The following GPBP1 variants were observed in gnomAD, a reference collection of about 807,000 sequenced individuals.
GPBP1 encodes vasculin.
GPBP1 carries 13 observed loss-of-function variants against 56.5 expected under a neutral mutation model. The observed-to-expected ratio is 0.23, with a 90% CI of 0.15 to 0.37. The LOEUF is 0.37. GPBP1 is among the 10% of genes least tolerant of loss of function. GPBP1 has a pLI of 1.00. For synonymous variants in GPBP1, 204 were observed against 188.9 expected (o/e 1.08, Z -0.66); for missense variants, 477 against 572.3 (o/e 0.83, Z 1.70).
At chr5:57,260,381 CTT>C in intron 10 of GPBP1, among the ~76,000 whole-genome samples, 1 of 152,174 alleles carries the variant, frequency 6.6e-6, no homozygotes. Flanking sequence ...TCCCCATAAA[CTT>C]TTCGTAAAGC....
intron 2 of GPBP1, among the ~76,000 whole-genome samples, chr5:57,178,649 T>C (rs1267412851): frequency 1.3e-5 from 2 of 152,256 alleles, no homozygotes; most frequent in Non-Finnish European, 2.9e-5. Context: ...AACTTTAATC[T>C]GTGAATAGTC....
intron 10 of GPBP1, among the ~76,000 whole-genome samples, chr5:57,255,672 ATATCT>A (rs1437272136): frequency 6.6e-6 from 1 of 152,244 alleles, no homozygotes; most frequent in Non-Finnish European, 1.5e-5. Flanking sequence ...TTGTCACCTA[ATATCT>A]TGTCTTCTGA....
intron 2 of GPBP1, among the ~76,000 whole-genome samples, chr5:57,199,522 T>G (rs1754906183): frequency 6.6e-6 from 1 of 151,830 alleles, no homozygotes; most frequent in East Asian, 1.9e-4. Context: ...GCTACCAGAT[T>G]TCTTTTCTTT....
At chr5:57,214,494 A>G (rs1755623327) in intron 3 of GPBP1, among the ~76,000 whole-genome samples, 1 of 151,992 alleles carries the variant, frequency 6.6e-6, no homozygotes, top group Non-Finnish European at 1.5e-5. Context: ...CTGAGGTGGG[A>G]GAATCACTTG....
chr5:57,178,425 T>C (rs752800167), intron 2 of GPBP1, among the ~76,000 whole-genome samples: 1 of 152,090 alleles, frequency 6.6e-6, no homozygotes, highest in Non-Finnish European at 1.5e-5. Flanking sequence ...TTTGTATTTT[T>C]AGTAGGGACA....
intron 3 of GPBP1, chr5:57,230,585 A>G: frequency 7.2e-6 from 3 of 417,990 alleles, no homozygotes; most frequent in Non-Finnish European, 1.3e-5. Flanking sequence ...TTTTCCATAC[A>G]GTGGCATTTT....
chr5:57,250,655 G>A lies in GPBP1; in HGVS notation c.973-299G>A, dbSNP rs1206787121. On this transcript the variant is annotated intron_variant, in intron 9 of 11. Transcript: ENST00000506184. Reference sequence around the variant, plus strand: ...CCTCCTAGGTTCAAGCAATTCTCCTGCCACAGCCTCCCAAGCAGCTAGGAC... The same window carrying A: ...CCTCCTAGGTTCAAGCAATTCTCCTACCACAGCCTCCCAAGCAGCTAGGAC... Among the ~76,000 whole-genome samples, 5 of 150,526 alleles carry A rather than the reference G, an allele frequency of 3.3e-5. No individual in the cohort carries two copies. In the Admixed American group the frequency reaches 3.3e-4, roughly 10 times the overall value.
intron 2 of GPBP1, among the ~76,000 whole-genome samples, chr5:57,185,617 T>C (rs886093551): frequency 6.6e-6 from 1 of 152,022 alleles, no homozygotes; most frequent in Non-Finnish European, 1.5e-5. Context: ...GAATTAGCAT[T>C]ATGTCTTTAA....
At chr5:57,249,299 A>G (rs1741249655) in intron 8 of GPBP1, 110 bp from the exon 9 acceptor site, 8 of 810,000 alleles carry the variant, frequency 9.9e-6, no homozygotes, top group Non-Finnish European at 1.6e-5. Flanking sequence ...ATTATAATCA[A>G]TTTTATTTTG....
intron 3 of GPBP1, among the ~76,000 whole-genome samples, chr5:57,225,144 A>T (rs1052726572): frequency 2.0e-5 from 3 of 152,110 alleles, no homozygotes; most frequent in Admixed American, 2.0e-4. Context: ...ATACAATAGG[A>T]CTAAAAAGGA....
Position 57,262,763 on chromosome 5 carries a change from A to G in GPBP1, c.*11A>G, listed in dbSNP as rs181775847. On this transcript the variant is annotated 3_prime_UTR_variant, in exon 12 of 12. Transcript: ENST00000506184. The stretch of plus-strand genomic sequence containing the variant: ...GACGACGATGTGTGAAGGATTTCCT[A>G]ACAGCTTTAGAAATCTTAGTGTGAT... 7.3e-4 allele frequency: 1,171 copies of G among 1,610,044 alleles called. 3 individuals are homozygous for G. The highest frequency in any genetic ancestry group is 9.3e-4 in the Non-Finnish European group (1,099 of 1,177,002).
chr5:57,219,200 A>G (rs1755821555), intron 3 of GPBP1, among the ~76,000 whole-genome samples: 1 of 151,824 alleles, frequency 6.6e-6, no homozygotes. Flanking sequence ...ACATGGTGAA[A>G]CCCCGTTTCT....
At chr5:57,176,693 T>G (rs1753801104) in intron 2 of GPBP1, among the ~76,000 whole-genome samples, 1 of 152,220 alleles carries the variant, frequency 6.6e-6, no homozygotes, top group South Asian at 2.1e-4. Context: ...TGCCTTAGGC[T>G]TTGAAGATTC....
At chr5:57,246,166 T>A (rs1327775738) in intron 6 of GPBP1, 134 bp from the exon 7 acceptor site, 12 of 561,580 alleles carry the variant, frequency 2.1e-5, no homozygotes, top group African/African-American at 3.7e-5. Flanking sequence ...TTTTTTAGTT[T>A]AGTTATTTTA....
chr5:57,246,865 A>G (rs139607614), intron 7 of GPBP1, among the ~76,000 whole-genome samples: 4 of 152,344 alleles, frequency 2.6e-5, no homozygotes, highest in African/African-American at 7.2e-5. Context: ...AAAAATAGCA[A>G]TTTAGTTAGA....
chr5:57,244,902 T>C (rs1741017099), intron 6 of GPBP1, among the ~76,000 whole-genome samples: 1 of 152,078 alleles, frequency 6.6e-6, no homozygotes, highest in African/African-American at 2.4e-5. Context: ...CCCCGCTAAT[T>C]CCTTTTTGTA....
chr5:57,207,094 A>G (rs1416909525), intron 2 of GPBP1, among the ~76,000 whole-genome samples: 1 of 152,110 alleles, frequency 6.6e-6, no homozygotes, highest in African/African-American at 2.4e-5. Context: ...ATAGAGTGAG[A>G]CTTTGTCTCG....
At chr5:57,179,120 G>C (rs1753926132) in intron 2 of GPBP1, among the ~76,000 whole-genome samples, 1 of 152,194 alleles carries the variant, frequency 6.6e-6, no homozygotes, top group African/African-American at 2.4e-5. Flanking sequence ...TCTGACTCCA[G>C]AGCACATACT....
rs570071310 is a variant in GPBP1 at position 57,219,903 on chromosome 5, C to T, written c.63+5710C>T. Reference sequence around the variant, plus strand: ...CCCTGTCTCTACTAAAAGTACAAAACTAGCTGGGCTTGGTGGCGCGTGCCT... The same window carrying T: ...CCCTGTCTCTACTAAAAGTACAAAATTAGCTGGGCTTGGTGGCGCGTGCCT... On this transcript the variant is annotated intron_variant, in intron 3 of 11. Transcript: ENST00000506184. 2.0e-5 allele frequency among the ~76,000 whole-genome samples: 3 copies of T among 151,792 alleles called. No homozygotes were observed. In the South Asian group the frequency reaches 6.3e-4, roughly 32 times the overall value.
Sources: allele counts gnomAD v4.1 joint callset (sites outside exome capture counted in the v4.1 genomes callset), GRCh38; gene constraint gnomAD v4.1.1; transcripts MANE v1.5; gene names NCBI Gene and HGNC (gene_info 2026-07-23, HGNC 2026-07-21).